Variants in SLC39A10 observed in about 807,000 individuals in gnomAD.
SLC39A10 encodes zinc transporter ZIP10.
SLC39A10 carries 13 observed loss-of-function variants against 65.1 expected under a neutral mutation model. The observed-to-expected ratio is 0.20, with a 90% CI of 0.13 to 0.32. The LOEUF is 0.32. Among genes scored for constraint, SLC39A10 ranks in the 10% least tolerant of loss-of-function variants. The pLI is 1.00. For synonymous variants in SLC39A10, 321 were observed against 342.2 expected (o/e 0.94, Z 0.68); for missense variants, 831 against 1,018.4 (o/e 0.82, Z 2.50).
At position 195,618,754 on chromosome 2, in the gene SLC39A10, G is replaced by T. The variant is rs545937860; in HGVS notation, c.-12+12521G>T. 5.3e-5 allele frequency among the ~76,000 whole-genome samples: 8 copies of T among 152,278 alleles called. No homozygotes were observed. The South Asian group carries it at 1.0e-3, about 20-fold the overall frequency. Reference sequence around the variant, plus strand: ...GCATATTAAGCAATAGAGACAATGTGAATTTTTTTAAGGTAAAAAATGGCA... The same window carrying T: ...GCATATTAAGCAATAGAGACAATGTTAATTTTTTTAAGGTAAAAAATGGCA... On this transcript the variant is annotated intron_variant, in intron 2 of 2. Coordinates refer to the SLC39A10 transcript ENST00000458054.
At position 195,640,969 on chromosome 2, in the gene SLC39A10, C is replaced by T. The variant is rs146649702; in HGVS notation, c.-12+34736C>T. Among the ~76,000 whole-genome samples, 7 of 152,322 alleles carry T rather than the reference C, an allele frequency of 4.6e-5. No homozygotes were observed. In the East Asian group the frequency reaches 1.2e-3, roughly 25 times the overall value. ...TTGGGTCCAGGGAAGCCATTTCCAG[C>T]AGCCATTCTAGTAGTATTCAGTCAG... On this transcript the variant is annotated intron_variant, in intron 2 of 2. Coordinates refer to the SLC39A10 transcript ENST00000458054.
intron 3 of SLC39A10, among the ~76,000 whole-genome samples, chr2:195,688,393 A>G (rs1486370799): frequency 6.6e-6 from 1 of 152,190 alleles, no homozygotes; most frequent in African/African-American, 2.4e-5. Flanking sequence ...CTACAAATAA[A>G]GTATTTAAAT....
chr2:195,721,342 A>G (rs765708511), intron 8 of SLC39A10, among the ~76,000 whole-genome samples: 9 of 152,222 alleles, frequency 5.9e-5, no homozygotes, highest in Admixed American at 3.3e-4. Context: ...ACTAAATGCA[A>G]TTCACCAAAT....
At position 195,736,346 on chromosome 2, in the gene SLC39A10, A is replaced by G. The variant is rs1692604814; in HGVS notation, c.*1305A>G. ...CTTAATAATTTGTATTACTAGTCAT[A>G]TGCATGTAGCTTTCTGTTTACATCC... On this transcript the variant is annotated 3_prime_UTR_variant, in exon 10 of 10. Transcript: ENST00000359634. 6.0e-6 allele frequency: 1 copy of G among 166,276 alleles called. No homozygotes were observed. The highest frequency in any genetic ancestry group is 6.5e-5 in the Admixed American group (1 of 15,280). 10.3% of individuals were successfully genotyped at this position (166,276 alleles called of 1,614,324 possible). A position where few individuals can be genotyped will look rare whatever the true frequency, so the allele number is the denominator to read the frequency against.
At chr2:195,651,117 G>C (rs1689022393) in intron 2 of SLC39A10, among the ~76,000 whole-genome samples, 1 of 151,544 alleles carries the variant, frequency 6.6e-6, no homozygotes, top group African/African-American at 2.4e-5. Flanking sequence ...TATAAGGGGA[G>C]CTGTGCTCCT....
At chr2:195,721,459 A>G (rs762599101) in intron 8 of SLC39A10, among the ~76,000 whole-genome samples, 1 of 150,080 alleles carries the variant, frequency 6.7e-6, no homozygotes, top group African/African-American at 2.5e-5. Flanking sequence ...CTTCAACTTT[A>G]TTACTGTCTT....
chr2:195,646,424 A>G (rs1286557765), intron 2 of SLC39A10, among the ~76,000 whole-genome samples: 1 of 152,186 alleles, frequency 6.6e-6, no homozygotes, highest in African/African-American at 2.4e-5. Flanking sequence ...ATAACACATT[A>G]CCACATATGT....
At chr2:195,636,912 C>A (rs898646233) in intron 2 of SLC39A10, among the ~76,000 whole-genome samples, 2 of 151,918 alleles carry the variant, frequency 1.3e-5, no homozygotes, top group African/African-American at 4.8e-5. Flanking sequence ...TATAAAAGGG[C>A]CCTGAAACCA....
chr2:195,680,439 A>G lies in SLC39A10; in HGVS notation c.397A>G (p.Asn133Asp). The G allele has an allele frequency of 6.2e-7, 1 of 1,614,126 alleles. No homozygotes were observed. The highest frequency in any genetic ancestry group is 1.3e-5 in the African/African-American group (1 of 75,024). ...FHSHNHQHSH[N>D]HLNSENQTVT... ...CTCACATAACCACCAGCATTCCCAT[A>G]ATCATTTAAATTCAGAAAATCAAAC... The change falls in exon 2 of 10, where the codon AAT becomes GAT. Residue 133 changes from asparagine to aspartate, a missense_variant. This residue lies in a region of SLC39A10 where 446 missense variants were observed against 499.2 expected (regional missense o/e 0.89). Transcript: ENST00000359634.
At chr2:195,715,664 T>G (rs1691778468) in intron 6 of SLC39A10, among the ~76,000 whole-genome samples, 2 of 152,178 alleles carry the variant, frequency 1.3e-5, no homozygotes, top group African/African-American at 4.8e-5. Context: ...ATGTGACACT[T>G]GACATGTTTT....
chr2:195,721,081 A>G (rs1464061653), intron 8 of SLC39A10, among the ~76,000 whole-genome samples: 1 of 152,074 alleles, frequency 6.6e-6, no homozygotes, highest in Non-Finnish European at 1.5e-5. Context: ...AGCTGGGACT[A>G]CAGGCGTGCA....
intron 4 of SLC39A10, among the ~76,000 whole-genome samples, chr2:195,708,083 A>T (rs1028804683): frequency 1.3e-5 from 2 of 152,166 alleles, no homozygotes; most frequent in Non-Finnish European, 2.9e-5. Flanking sequence ...AGAGATAGCG[A>T]CCTTATTACC....
intron 9 of SLC39A10, among the ~76,000 whole-genome samples, chr2:195,730,441 T>G (rs1203187632): frequency 6.6e-6 from 1 of 152,216 alleles, no homozygotes; most frequent in African/African-American, 2.4e-5. Flanking sequence ...GCAATTTTCA[T>G]GCCTCAGCCA....
intron 1 of SLC39A10, chr2:195,658,526 T>G (rs1239110522): frequency 2.0e-5 from 3 of 152,242 alleles, no homozygotes; most frequent in Admixed American, 6.5e-5. Flanking sequence ...AAAACTAGAA[T>G]AGGTTTGTAT....
chr2:195,654,439 C>CA (rs1361021109), upstream of SLC39A10, among the ~76,000 whole-genome samples: 1 of 152,034 alleles, frequency 6.6e-6, no homozygotes, highest in Admixed American at 6.5e-5. Flanking sequence ...CTCTGAGGGG[C>CA]AAAAAGACCC....
rs1489437448 is a variant in SLC39A10, at chr2:195,735,906, A to G, written c.*865A>G. The G allele has an allele frequency of 6.6e-6, 1 of 150,972 alleles. No homozygotes were observed. The highest frequency in any genetic ancestry group is 6.6e-5 in the Admixed American group (1 of 15,124). The allele number at this position is 150,972 out of a possible 1,614,324, so 9.4% of individuals were successfully genotyped here. On this transcript the variant is annotated 3_prime_UTR_variant, in exon 10 of 10. Coordinates refer to ENST00000359634, the MANE Select transcript of SLC39A10 (RefSeq NM_020342.3). ...AGAAAATATCAAAGAAATGAACCAG[A>G]CGTGGTTTAAATAGTTGATTTTCCT... is the stretch of plus-strand genomic sequence containing the variant.
At chr2:195,626,569 A>G (rs1471258896) in intron 2 of SLC39A10, among the ~76,000 whole-genome samples, 1 of 152,200 alleles carries the variant, frequency 6.6e-6, no homozygotes, top group Non-Finnish European at 1.5e-5. Flanking sequence ...GGGTTGTAAG[A>G]TAAGCATTAC....
chr2:195,687,666 AG>A (rs1286510918), intron 3 of SLC39A10, among the ~76,000 whole-genome samples: 1 of 152,238 alleles, frequency 6.6e-6, no homozygotes, highest in Non-Finnish European at 1.5e-5. Flanking sequence ...GCTAGTAATT[AG>A]TTTTAATGAC....
chr2:195,657,773 C>T lies in SLC39A10; in HGVS notation c.-12+492C>T, dbSNP rs1227056571. 2.0e-5 allele frequency among the ~76,000 whole-genome samples: 3 copies of T among 152,254 alleles called. No individual in the cohort carries two copies. In the South Asian group the frequency reaches 6.2e-4, roughly 32 times the overall value. On this transcript the variant is annotated intron_variant, in intron 1 of 9. Transcript: ENST00000359634. ...CTTCGGGGGCTTGGCGACCAGCGCCCCGGTTTTTTCTTCTCCAGTCCTTCT... is the reference window on the plus strand; with the variant it reads ...CTTCGGGGGCTTGGCGACCAGCGCCTCGGTTTTTTCTTCTCCAGTCCTTCT...
Sources: gnomAD v4.1 joint callset for allele counts (sites outside exome capture counted in the v4.1 genomes callset) on GRCh38, gnomAD v4.1.1 for gene constraint, gnomAD v4.1.1 regional missense constraint, MANE v1.5 for transcripts, NCBI Gene and HGNC (gene_info 2026-07-23, HGNC 2026-07-21) for gene names.